PI4KB: variants seen among roughly 807,000 people sequenced by gnomAD.
PI4KB encodes the protein PtdIns 4-kinase beta.
Under a neutral mutation model 81.4 loss-of-function variants are expected in PI4KB, and 23 were observed. The observed-to-expected ratio is 0.28, with a 90% CI of 0.20 to 0.40. The LOEUF (loss-of-function observed/expected upper bound fraction) is 0.40, where lower values mean the gene tolerates loss of function less well. PI4KB is among the 10% of genes least tolerant of loss of function. The pLI is 1.00. For synonymous variants in PI4KB, 381 were observed against 406.8 expected, an observed-to-expected ratio of 0.94 and a Z score of 0.76; for missense variants, 651 against 1,036.6, an observed-to-expected ratio of 0.63 and a Z score of 5.11.
In PI4KB at chr1:151,327,337, C is replaced by G. The variant is rs545876217; in HGVS notation, c.-95G>C. 2.5e-6 allele frequency: 1 copy of G among 397,792 alleles called. No individual in the cohort carries two copies. The highest frequency in any genetic ancestry group is 3.6e-5 in the East Asian group (1 of 27,952). The allele number at this position is 397,792 out of a possible 1,614,324, so 24.6% of individuals were successfully genotyped here. On this transcript the variant is annotated 5_prime_UTR_variant, in exon 1 of 12. Coordinates refer to ENST00000368873, the MANE Select transcript of PI4KB (RefSeq NM_001369623.2). ...TGGACTGCCGACACTGCCGCCTCAG[C>G]AGCAGCGACCGCTCCCGGGTTCCAT...
intron 3 of PI4KB, among the ~76,000 whole-genome samples, chr1:151,308,359 T>C (rs895588976): frequency 2.0e-5 from 3 of 152,186 alleles, no homozygotes; most frequent in African/African-American, 7.2e-5. Context: ...GGTATCCCCC[T>C]GTCCGTCCCA....
At chr1:151,315,500 T>A (rs1420714483) in intron 2 of PI4KB, 73 bp downstream of exon 2, 2 of 938,230 alleles carry the variant, frequency 2.1e-6, no homozygotes, top group African/African-American at 3.2e-5. Context: ...TAACCCTGTG[T>A]GTATATAGGA....
At chr1:151,303,200 C>T (rs893530869) in intron 6 of PI4KB, among the ~76,000 whole-genome samples, 12 of 151,844 alleles carry the variant, frequency 7.9e-5, no homozygotes, top group Non-Finnish European at 1.3e-4. Flanking sequence ...GGAGTTTCAC[C>T]GTGTTAGCCA....
chr1:151,298,978 A>G lies in PI4KB; in HGVS notation c.1845T>C (p.Asn615=). The change falls in exon 9 of 12, where the codon AAT becomes AAC. Residue 615 remains asparagine (N), a synonymous_variant. Transcript: ENST00000368873. Reference sequence around the variant, plus strand: ...TCTTCACCTGATGGATGGACACAGCATTGACCACTGGTTCAATCATGCCAC... The same window carrying G: ...TCTTCACCTGATGGATGGACACAGCGTTGACCACTGGTTCAATCATGCCAC... The part of the protein sequence containing the change: ...ADSGMIEPVV[N]AVSIHQVKKQ... 6.2e-7 allele frequency: 1 copy of G among 1,614,148 alleles called. No individual in the cohort carries two copies. Among genetic ancestry groups the G allele is most frequent in the Non-Finnish European group, 8.5e-7 (1 of 1,179,976 alleles).
At chr1:151,320,505 T>C (rs1318147901) in intron 1 of PI4KB, among the ~76,000 whole-genome samples, 2 of 152,100 alleles carry the variant, frequency 1.3e-5, no homozygotes, top group African/African-American at 4.8e-5. Flanking sequence ...CATTCCTGAA[T>C]TTAATATCCC....
intron 2 of PI4KB, among the ~76,000 whole-genome samples, chr1:151,315,183 T>C (rs1647728943): frequency 6.6e-6 from 1 of 152,078 alleles, no homozygotes; most frequent in South Asian, 2.1e-4. Flanking sequence ...TTTGCCATGT[T>C]GGCCAGGCTG....
chr1:151,294,747 A>G (rs921046996), intron 9 of PI4KB, among the ~76,000 whole-genome samples: 1 of 152,206 alleles, frequency 6.6e-6, no homozygotes, highest in African/African-American at 2.4e-5. Context: ...ACTGCTAACA[A>G]AGGCTATGGG....
rs184418292 is a variant in PI4KB at position 151,293,597 on chromosome 1, T to C, written c.2269+421A>G. On this transcript the variant is annotated intron_variant, in intron 11 of 11. Coordinates refer to ENST00000368873, the MANE Select transcript of PI4KB (RefSeq NM_001369623.2). The stretch of plus-strand genomic sequence containing the variant: ...AAGACTGTAGATGGCAAGACTGTAG[T>C]GGAAGGAGATAATGATGAGAGGGGA... 3.4e-3 allele frequency: 1,081 copies of C among 320,204 alleles called. 5 individuals are homozygous for C. Among genetic ancestry groups the C allele is most frequent in the Admixed American group, 4.9e-3 (99 of 20,256 alleles). 19.8% of individuals were successfully genotyped at this position (320,204 alleles called of 1,614,324 possible).
At chr1:151,306,431 A>G in intron 4 of PI4KB, 68 bp from the exon 5 acceptor site, 1 of 996,914 alleles carries the variant, frequency 1.0e-6, no homozygotes. Flanking sequence ...CAACTCTGTT[A>G]GCAAGGTTCT....
At chr1:151,307,024 A>G (rs1337180785) in intron 4 of PI4KB, among the ~76,000 whole-genome samples, 2 of 152,160 alleles carry the variant, frequency 1.3e-5, no homozygotes, top group Non-Finnish European at 2.9e-5. Flanking sequence ...GCAGTAAGCC[A>G]AGATTGTGCC....
chr1:151,298,069 T>C (rs1302045875), intron 9 of PI4KB, among the ~76,000 whole-genome samples: 1 of 152,214 alleles, frequency 6.6e-6, no homozygotes, highest in South Asian at 2.1e-4. Flanking sequence ...ATATGTGTAG[T>C]TAGTTTTCAT....
chr1:151,304,213 T>C (rs970919896), intron 5 of PI4KB, among the ~76,000 whole-genome samples: 5 of 152,204 alleles, frequency 3.3e-5, no homozygotes, highest in Non-Finnish European at 5.9e-5. Context: ...CTCAACTCCA[T>C]TTGTCACCTA....
At chr1:151,304,095 C>A (rs1029117999) in intron 5 of PI4KB, among the ~76,000 whole-genome samples, 2 of 152,102 alleles carry the variant, frequency 1.3e-5, no homozygotes, top group Non-Finnish European at 2.9e-5. Context: ...TTTCTTCAAT[C>A]TAAGTCATTC....
At chr1:151,299,518 C>T (rs867711222) in intron 8 of PI4KB, among the ~76,000 whole-genome samples, 3 of 152,074 alleles carry the variant, frequency 2.0e-5, no homozygotes, top group African/African-American at 7.2e-5. Context: ...AGTGAAACCT[C>T]GTCTTTACTA....
chr1:151,307,766 C>T lies in PI4KB; in HGVS notation c.990G>A (p.Lys330=). 2 of 1,614,042 alleles carry T rather than the reference C, an allele frequency of 1.2e-6. No homozygotes were observed. The highest frequency in any genetic ancestry group is 1.7e-6 in the Non-Finnish European group (2 of 1,179,990). The change falls in exon 4 of 12, where the codon AAG becomes AAA. Residue 330 remains lysine, a synonymous_variant. Transcript: ENST00000368873. ...GCCGCTTGCCGATCGCCATCAGGGA[C>T]TTGATGAATTCTCTCTCAGGAGCCA... ...VRLAPEREFI[K]SLMAIGKRLA...
intron 9 of PI4KB, among the ~76,000 whole-genome samples, chr1:151,296,790 T>C (rs759472937): frequency 1.3e-5 from 2 of 149,900 alleles, no homozygotes; most frequent in Non-Finnish European, 3.0e-5. Flanking sequence ...TTTTATTTTT[T>C]TTTTTGAGAT....
At chr1:151,318,995 G>A (rs1648445874) in intron 1 of PI4KB, among the ~76,000 whole-genome samples, 2 of 152,138 alleles carry the variant, frequency 1.3e-5, no homozygotes, top group South Asian at 4.1e-4. Context: ...GGACTTGAAG[G>A]CAAATAGGCT....
chr1:151,302,741 C>A (rs1461910275), intron 6 of PI4KB, among the ~76,000 whole-genome samples: 13 of 150,886 alleles, frequency 8.6e-5, no homozygotes, highest in Admixed American at 8.6e-4. Flanking sequence ...CCACGCCCAG[C>A]TAATTTTTTT....
In PI4KB at chr1:151,292,804, T is replaced by G; in HGVS notation, c.*48A>C. ...TGGGGTTTCTCAGACAAGGGCCCTC[T>G]AGGGAGGGTGCCCTGGACCCCCCAC... On this transcript the variant is annotated 3_prime_UTR_variant, in exon 12 of 12. Transcript: ENST00000368873. 1 of 1,574,998 alleles carries G rather than the reference T, an allele frequency of 6.3e-7. No individual in the cohort carries two copies. The highest frequency in any genetic ancestry group is 8.7e-7 in the Non-Finnish European group (1 of 1,151,064).
Sources: allele counts gnomAD v4.1 joint callset (sites outside exome capture counted in the v4.1 genomes callset), GRCh38; gene constraint gnomAD v4.1.1; transcripts MANE v1.5; gene names NCBI Gene and HGNC (gene_info 2026-07-23, HGNC 2026-07-21).